The following FAM193A variants were observed in gnomAD, a reference collection of about 807,000 sequenced individuals.
FAM193A encodes protein FAM193A.
FAM193A carries 22 observed loss-of-function variants against 126.5 expected under a neutral mutation model. That is an observed-to-expected ratio of 0.17 (90% CI 0.12 to 0.25). The LOEUF (loss-of-function observed/expected upper bound fraction) is 0.25. Among genes scored for constraint, FAM193A ranks in the 10% least tolerant of loss-of-function variants. The pLI, the probability that FAM193A is intolerant of heterozygous loss-of-function variation, is 1.00. For synonymous variants in FAM193A, 761 were observed against 646.8 expected (o/e 1.18, Z -2.68); for missense variants, 1,675 against 1,672.8 (o/e 1.00, Z -0.02).
chr4:2,618,280 G>A (rs995812277), intron 2 of FAM193A, among the ~76,000 whole-genome samples: 1 of 152,124 alleles, frequency 6.6e-6, no homozygotes, highest in Non-Finnish European at 1.5e-5. Flanking sequence ...CTTACATAGT[G>A]TGAATTTATA....
At chr4:2,658,414 C>T (rs1711980385) in intron 8 of FAM193A, among the ~76,000 whole-genome samples, 1 of 152,114 alleles carries the variant, frequency 6.6e-6, no homozygotes, top group South Asian at 2.1e-4. Context: ...TGTGCTCCAC[C>T]TTTGCTGGAG....
chr4:2,611,832 A>G (rs1034122486), intron 2 of FAM193A, among the ~76,000 whole-genome samples: 3 of 150,062 alleles, frequency 2.0e-5, no homozygotes, highest in Non-Finnish European at 4.4e-5. Flanking sequence ...TATTTTGATC[A>G]AATCCATTTT....
intron 20 of FAM193A, among the ~76,000 whole-genome samples, chr4:2,724,502 GT>G (rs1720513005): frequency 6.6e-6 from 1 of 152,066 alleles, no homozygotes; most frequent in African/African-American, 2.4e-5. Context: ...TTAGCTTTTA[GT>G]AACCTTAAAT....
chr4:2,543,309 G>A (rs958641922), intron 1 of FAM193A, among the ~76,000 whole-genome samples: 2 of 151,782 alleles, frequency 1.3e-5, no homozygotes, highest in African/African-American at 2.4e-5. Flanking sequence ...GGATGGTCTC[G>A]ATCTCCTGAC....
At chr4:2,670,054 C>G (rs1420006980) in intron 12 of FAM193A, among the ~76,000 whole-genome samples, 1 of 152,182 alleles carries the variant, frequency 6.6e-6, no homozygotes, top group Non-Finnish European at 1.5e-5. Context: ...CCCCTTTCCT[C>G]TGGGACTTGG....
At chr4:2,695,374 T>C (rs957446645) in intron 17 of FAM193A, among the ~76,000 whole-genome samples, 5 of 152,196 alleles carry the variant, frequency 3.3e-5, no homozygotes, top group Non-Finnish European at 5.9e-5. Flanking sequence ...TGAATACCCA[T>C]TGGTAGGAGG....
chr4:2,714,325 G>A (rs1577259720), intron 19 of FAM193A, among the ~76,000 whole-genome samples: 1 of 152,122 alleles, frequency 6.6e-6, no homozygotes, highest in Non-Finnish European at 1.5e-5. Context: ...GTACAAACAT[G>A]TGGAGCCTGC....
Position 2,659,556 on chromosome 4 carries a change from A to C in FAM193A, c.1390-2A>C, listed in dbSNP as rs1712144339. ...ATTAAAGCATTTTAAAATTTCCTCT[A>C]GTTAACCAATAAGAAAGCAGTTACT... On this transcript the variant is annotated splice_acceptor_variant, in intron 8 of 20. Coordinates refer to ENST00000637812, the MANE Select transcript of FAM193A (RefSeq NM_001366318.2). LOFTEE classifies it high-confidence loss of function. 6.2e-7 allele frequency: 1 copy of C among 1,602,326 alleles called. No homozygotes were observed. Among genetic ancestry groups the C allele is most frequent in the Non-Finnish European group, 8.6e-7 (1 of 1,169,248 alleles).
At chr4:2,651,061 A>G (rs1479608347) in intron 7 of FAM193A, among the ~76,000 whole-genome samples, 4 of 152,078 alleles carry the variant, frequency 2.6e-5, no homozygotes, top group African/African-American at 9.7e-5. Context: ...ACCGGGCTTG[A>G]TACTCACCCC....
In FAM193A at chr4:2,680,870, G is replaced by C. The variant is rs183696319; in HGVS notation, c.2331+8498G>C. The stretch of plus-strand genomic sequence containing the variant: ...TTGGTCAGGCTGGTCTCGAACCCCT[G>C]ACCTCAGGTGATCCACCCACCTGGA... On this transcript the variant is annotated intron_variant, in intron 13 of 20. Transcript: ENST00000637812. Among the ~76,000 whole-genome samples, 128 of 152,136 alleles carry C rather than the reference G, an allele frequency of 8.4e-4. 1 individual carries two copies. In the Middle Eastern group the frequency reaches 0.01, roughly 12 times the overall value.
rs1262169359 is a variant in FAM193A, at chr4:2,626,393, C to T, written c.636-17C>T. 7.2e-6 allele frequency: 5 copies of T among 696,962 alleles called. No homozygotes were observed. The highest frequency in any genetic ancestry group is 4.8e-4 in the Middle Eastern group (2 of 4,208). The allele number at this position is 696,962 out of a possible 1,614,324, so 43.2% of individuals were successfully genotyped here. A position where few individuals can be genotyped will look rare whatever the true frequency, so the allele number is the denominator to read the frequency against. On this transcript the variant is annotated splice_polypyrimidine_tract_variant and intron_variant, in intron 3 of 20. Coordinates refer to ENST00000637812, the MANE Select transcript of FAM193A (RefSeq NM_001366318.2). Reference sequence around the variant, plus strand: ...CAGATTGTGGTGACTTTCTAACCTTCCTGTGTTGTCTCACAGAGAAATTTC... The same window carrying T: ...CAGATTGTGGTGACTTTCTAACCTTTCTGTGTTGTCTCACAGAGAAATTTC...
chr4:2,588,647 A>G (rs1196744727), intron 1 of FAM193A, among the ~76,000 whole-genome samples: 2 of 152,118 alleles, frequency 1.3e-5, no homozygotes, highest in East Asian at 1.9e-4. Context: ...GATGCTACCT[A>G]CCTATTCCAT....
chr4:2,640,969 G>GA (rs1455747850), intron 6 of FAM193A, among the ~76,000 whole-genome samples: 1 of 151,898 alleles, frequency 6.6e-6, no homozygotes, highest in Middle Eastern at 3.4e-3. Context: ...TGTCTCGGGG[G>GA]AAAAAAAGTC....
chr4:2,688,275 TA>T (rs1715973172), intron 13 of FAM193A, among the ~76,000 whole-genome samples: 2 of 152,014 alleles, frequency 1.3e-5, no homozygotes, highest in South Asian at 4.1e-4. Flanking sequence ...ATAACTGTGG[TA>T]AGTGCTAAGA....
intron 12 of FAM193A, among the ~76,000 whole-genome samples, chr4:2,666,068 A>G (rs892038156): frequency 1.3e-5 from 2 of 152,246 alleles, no homozygotes; most frequent in East Asian, 1.9e-4. Flanking sequence ...CTTGTTCCCA[A>G]TCTTAGGGGG....
chr4:2,700,443 A>C lies in FAM193A; in HGVS notation c.4271A>C (p.His1424Pro), dbSNP rs1445198792. The C allele has an allele frequency of 1.9e-6, 3 of 1,614,244 alleles. No individual in the cohort carries two copies. In the East Asian group the frequency reaches 6.7e-5, roughly 36 times the overall value. Residue 1424 changes from histidine to proline, a missense_variant, in exon 19 of 21, where the codon CAT becomes CCT. This residue lies in a region of FAM193A where 415 missense variants were observed against 396.7 expected (regional missense o/e 1.05). Coordinates refer to ENST00000637812, the MANE Select transcript of FAM193A (RefSeq NM_001366318.2). ...ATGGAGCCCACCTCTCCCGGTGAGC[A>C]TCAGCAGAACAGCAAGCTGGTGCTG... ...TPMEPTSPGE[H>P]QQNSKLVLAE... is the part of the protein sequence containing the mutation.
chr4:2,582,764 G>C (rs1451169902), intron 1 of FAM193A, among the ~76,000 whole-genome samples: 1 of 152,024 alleles, frequency 6.6e-6, no homozygotes, highest in East Asian at 1.9e-4. Context: ...AGGCGGCTTG[G>C]ATCTAGGATG....
chr4:2,624,766 G>A (rs1164023834), intron 2 of FAM193A, among the ~76,000 whole-genome samples: 2 of 152,142 alleles, frequency 1.3e-5, no homozygotes, highest in Admixed American at 6.5e-5. Flanking sequence ...GGTCTCAAAC[G>A]TCTGGGCTCA....
chr4:2,678,359 G>GTTTTTTTT (rs1553907903), intron 13 of FAM193A, among the ~76,000 whole-genome samples: 2 of 141,698 alleles, frequency 1.4e-5, no homozygotes, highest in Non-Finnish European at 3.1e-5. Flanking sequence ...TGGTTTTGGT[G>GTTTTTTTT]GTTTTTTTTT....
Sources: allele counts gnomAD v4.1 joint callset (sites outside exome capture counted in the v4.1 genomes callset), GRCh38; gene constraint gnomAD v4.1.1; regional missense constraint gnomAD v4.1.1; transcripts MANE v1.5; gene names NCBI Gene and HGNC (gene_info 2026-07-23, HGNC 2026-07-21).